CNTN1: variants seen among roughly 807,000 people sequenced by gnomAD.
CNTN1 encodes contactin 1, also known as contactin-1.
Under a neutral mutation model 126.4 loss-of-function variants are expected in CNTN1, and 38 were observed. The observed-to-expected ratio is 0.30, with a 90% CI of 0.23 to 0.39. The LOEUF is 0.39. Ranked by LOEUF, CNTN1 falls within the 10% of genes least tolerant of loss-of-function variation. CNTN1 has a pLI of 1.00. For synonymous variants in CNTN1, 413 were observed against 422.6 expected (o/e 0.98, Z 0.28); for missense variants, 1,009 against 1,248.4 (o/e 0.81, Z 2.89).
At chr12:40,941,503 A>G (rs978940657) in intron 12 of CNTN1, among the ~76,000 whole-genome samples, 1 of 152,158 alleles carries the variant, frequency 6.6e-6, no homozygotes, top group Non-Finnish European at 1.5e-5. Context: ...AGTGGTTTAT[A>G]TGATATTTGG....
intron 17 of CNTN1, among the ~76,000 whole-genome samples, chr12:41,004,655 T>A (rs950519051): frequency 2.0e-5 from 3 of 152,214 alleles, no homozygotes; most frequent in African/African-American, 7.2e-5. Context: ...TAGTTAGATT[T>A]TCTTGTTGAA....
intron 1 of CNTN1, among the ~76,000 whole-genome samples, chr12:40,828,880 G>A (rs1040975319): frequency 6.6e-6 from 1 of 152,108 alleles, no homozygotes; most frequent in East Asian, 1.9e-4. Context: ...GTGCTGGTTT[G>A]GTTTTGTTTT....
chr12:40,925,832 ATGTG>A (rs1194013333), intron 6 of CNTN1, among the ~76,000 whole-genome samples: 2 of 76,354 alleles, frequency 2.6e-5, no homozygotes, highest in African/African-American at 1.3e-4. Context: ...ATATATATGT[ATGTG>A]TGTGTGTGTA....
At chr12:40,755,380 A>G (rs1938567466) in intron 1 of CNTN1, among the ~76,000 whole-genome samples, 1 of 151,136 alleles carries the variant, frequency 6.6e-6, no homozygotes, top group Non-Finnish European at 1.5e-5. Flanking sequence ...TTGTGTGTTG[A>G]TAGGAATTAA....
chr12:41,025,508 A>G (rs1355814969), intron 21 of CNTN1, among the ~76,000 whole-genome samples, 172 bp downstream of exon 21: 1 of 152,216 alleles, frequency 6.6e-6, no homozygotes, highest in East Asian at 1.9e-4. Flanking sequence ...ATGATGAAAA[A>G]ATGTGAAAAA....
At chr12:40,916,857 G>C (rs1163360357) in intron 3 of CNTN1, among the ~76,000 whole-genome samples, 1 of 152,008 alleles carries the variant, frequency 6.6e-6, no homozygotes, top group Non-Finnish European at 1.5e-5. Flanking sequence ...CAGGAGCTAA[G>C]TCTCAGTTCC....
chr12:40,703,015 G>A (rs1020770786), intron 1 of CNTN1, among the ~76,000 whole-genome samples: 1 of 149,188 alleles, frequency 6.7e-6, no homozygotes. Flanking sequence ...TAGCCAAGAG[G>A]TATATATATA....
chr12:40,862,532 T>C (rs770632352), intron 1 of CNTN1, among the ~76,000 whole-genome samples: 2 of 152,182 alleles, frequency 1.3e-5, no homozygotes, highest in Non-Finnish European at 2.9e-5. Flanking sequence ...CTCGGTGGCT[T>C]TACAACTTCA....
chr12:41,017,035 T>C, intron 19 of CNTN1, 119 bp downstream of exon 19: 1 of 777,038 alleles, frequency 1.3e-6, no homozygotes, highest in Non-Finnish European at 2.2e-6. Context: ...GCATTATGCA[T>C]TTAGTAAATG....
intron 13 of CNTN1, 113 bp downstream of exon 13, chr12:40,943,837 G>A (rs1946344650): frequency 7.6e-6 from 11 of 1,443,300 alleles, no homozygotes. Context: ...AGAATTTCAG[G>A]CAAGTTTCTT....
intron 23 of CNTN1, among the ~76,000 whole-genome samples, chr12:41,067,993 C>G (rs1371066187): frequency 6.6e-6 from 1 of 152,156 alleles, no homozygotes; most frequent in East Asian, 1.9e-4. Context: ...TTCCATATGA[C>G]ATTTATTATT....
chr12:40,762,342 C>T (rs1938894327), intron 1 of CNTN1, among the ~76,000 whole-genome samples: 1 of 152,254 alleles, frequency 6.6e-6, no homozygotes, highest in African/African-American at 2.4e-5. Flanking sequence ...GCTAGATATA[C>T]TCTTTAACTG....
chr12:40,701,105 A>G (rs555558546), intron 1 of CNTN1, among the ~76,000 whole-genome samples: 1 of 152,326 alleles, frequency 6.6e-6, no homozygotes, highest in South Asian at 2.1e-4. Context: ...TTTGTGAGTC[A>G]CGGTTTAAAA....
At chr12:40,755,987 A>G (rs985439306) in intron 1 of CNTN1, among the ~76,000 whole-genome samples, 11 of 152,100 alleles carry the variant, frequency 7.2e-5, no homozygotes, top group Admixed American at 5.9e-4. Context: ...TAAAGTGAAA[A>G]CATTCTGTAT....
intron 1 of CNTN1, among the ~76,000 whole-genome samples, chr12:40,765,277 G>A (rs1470207623): frequency 6.6e-6 from 1 of 152,080 alleles, no homozygotes; most frequent in Non-Finnish European, 1.5e-5. Flanking sequence ...GAAAGGAACA[G>A]GTTCGAGTAA....
rs199719588 is a variant in CNTN1, at chr12:40,918,613, G to T, written c.95-26G>T. The T allele has an allele frequency of 8.8e-5, 142 of 1,607,214 alleles. 1 individual carries two copies. In the Middle Eastern group the frequency reaches 3.0e-3, roughly 34 times the overall value. On this transcript the variant is annotated intron_variant, in intron 3 of 23. Transcript: ENST00000551295. ...TCTTTGACTTATAAAGCAGTACAAT[G>T]TAAAACAATTTCATATTTCTTGTAG...
rs59713493 is a variant in CNTN1, at chr12:40,950,097, GGTGTGTGT to G, written c.1683+5966_1683+5973del. 7.1e-3 allele frequency among the ~76,000 whole-genome samples: 1,033 copies of G among 145,320 alleles called. 12 individuals carry two copies. The highest frequency in any genetic ancestry group is 0.028 in the Middle Eastern group (8 of 288). ...ATCACAACTGTAGAGGTGTTGAGAG[GGTGTGTGT>G]GTGTGTGTGTGTGTGTGTGTGTGTG... is the stretch of plus-strand genomic sequence containing the variant. On this transcript the variant is annotated intron_variant, in intron 14 of 23. Coordinates refer to ENST00000551295, the MANE Select transcript of CNTN1 (RefSeq NM_001843.4).
intron 17 of CNTN1, among the ~76,000 whole-genome samples, chr12:41,007,858 G>C (rs576191813): frequency 2.2e-4 from 33 of 152,290 alleles, no homozygotes; most frequent in African/African-American, 7.7e-4. Context: ...ATTCACCCAT[G>C]CAAGCTCCCA....
intron 17 of CNTN1, among the ~76,000 whole-genome samples, chr12:40,997,148 T>C (rs1242292864): frequency 1.3e-5 from 2 of 152,242 alleles, no homozygotes; most frequent in Non-Finnish European, 2.9e-5. Context: ...TTGTAATTCA[T>C]TTTAACCCAT....
Sources: gnomAD v4.1 joint callset for allele counts (sites outside exome capture counted in the v4.1 genomes callset) on GRCh38, gnomAD v4.1.1 for gene constraint, MANE v1.5 for transcripts, NCBI Gene and HGNC (gene_info 2026-07-23, HGNC 2026-07-21) for gene names.